The following CDC25A variants were observed in gnomAD, a reference collection of about 807,000 sequenced individuals.
CDC25A encodes the protein cell division cycle 25A, also known as M-phase inducer phosphatase 1.
CDC25A carries 17 observed loss-of-function variants against 64.6 expected under a neutral mutation model. That is an observed-to-expected ratio of 0.26 (90% CI 0.18 to 0.39). The LOEUF (loss-of-function observed/expected upper bound fraction) is 0.39, where lower values mean the gene tolerates loss of function less well. Ranked by LOEUF, CDC25A falls within the 10% of genes least tolerant of loss-of-function variation. The pLI, the probability that CDC25A is intolerant of heterozygous loss-of-function variation, is 1.00. For missense variants in CDC25A, 473 were observed against 654.8 expected, an observed-to-expected ratio of 0.72 and a Z score of 3.03; for synonymous variants, 229 against 238.6, an observed-to-expected ratio of 0.96 and a Z score of 0.37.
chr3:48,187,799 T>A lies in CDC25A; in HGVS notation c.149A>T (p.Asp50Val). 1 of 1,548,118 alleles carries A rather than the reference T, an allele frequency of 6.5e-7. No individual in the cohort carries two copies. Among genetic ancestry groups the A allele is most frequent in the Non-Finnish European group, 8.7e-7 (1 of 1,145,356 alleles). ...TTACCTGCCCAGACCCTGCAGCTGG[T>A]CCATAGTGACGGTCAGGTTGGTGAC... is the stretch of plus-strand genomic sequence containing the variant. ...SPVTNLTVTM[D>V]QLQGLGSDYE... is the part of the protein sequence containing the mutation. The change falls in exon 1 of 15, where the codon GAC (aspartate) becomes GTC (valine). Residue 50 changes from aspartate (D) to valine (V), a missense_variant. Asp to Val is a radical substitution (Grantham distance 152, BLOSUM62 -3). This residue lies in a region of CDC25A where 376 missense variants were observed against 431.9 expected (regional missense o/e 0.87). Transcript: ENST00000302506.
intron 2 of CDC25A, 113 bp from the exon 3 acceptor site, chr3:48,184,808 A>T (rs2032791888): frequency 1.4e-6 from 1 of 707,786 alleles, no homozygotes; most frequent in Non-Finnish European, 2.4e-6. Context: ...GGCAACAAAT[A>T]TTCATGGCTT....
At chr3:48,180,268 T>C (rs2032614973) in intron 6 of CDC25A, 1 of 152,942 alleles carries the variant, frequency 6.5e-6, no homozygotes. Flanking sequence ...GTGCTCTCTC[T>C]CCAGTTCCTT....
chr3:48,158,747 G>A lies in CDC25A; in HGVS notation c.*198C>T. 1.6e-6 allele frequency: 1 copy of A among 617,418 alleles called. No homozygotes were observed. Among genetic ancestry groups the A allele is most frequent in the Non-Finnish European group, 2.9e-6 (1 of 350,720 alleles). The allele number at this position is 617,418 out of a possible 1,614,324, so 38.2% of individuals were successfully genotyped here. On this transcript the variant is annotated 3_prime_UTR_variant, in exon 15 of 15. Coordinates refer to ENST00000302506, the MANE Select transcript of CDC25A (RefSeq NM_001789.3). ...TGATATGGACGGAGGACGTCTAACA[G>A]GGACAGAAGAGGCGTAGCCAGCAAG...
At chr3:48,184,394 G>A (rs562616462) in intron 3 of CDC25A, among the ~76,000 whole-genome samples, 2 of 152,152 alleles carry the variant, frequency 1.3e-5, no homozygotes, top group East Asian at 3.9e-4. Flanking sequence ...ACATGTTCTT[G>A]TAAGGCTATG....
intron 14 of CDC25A, 68 bp from the exon 15 acceptor site, chr3:48,159,153 G>A: frequency 6.4e-7 from 1 of 1,570,376 alleles, no homozygotes; most frequent in Non-Finnish European, 8.7e-7. Flanking sequence ...TTTCCTCTCT[G>A]CCTAGGGCTA....
chr3:48,173,399 A>C (rs1026636073), intron 9 of CDC25A, among the ~76,000 whole-genome samples: 2 of 152,196 alleles, frequency 1.3e-5, no homozygotes, highest in African/African-American at 4.8e-5. Context: ...AGAAATAAGA[A>C]AATTAAAAAC....
At chr3:48,169,404 T>C (rs1044610188) in intron 9 of CDC25A, among the ~76,000 whole-genome samples, 1 of 152,260 alleles carries the variant, frequency 6.6e-6, no homozygotes, top group Non-Finnish European at 1.5e-5. Flanking sequence ...GCCAAACAAA[T>C]AGAACTGGAA....
At position 48,158,274 on chromosome 3, in the gene CDC25A, C is replaced by T. The variant is rs1039011918; in HGVS notation, c.*671G>A. Reference sequence around the variant, plus strand: ...AGTTCTTGGCTTAAATAGCAGCAGCCCCAGTACCACAGCGCCTCCTGGGGG... The same window carrying T: ...AGTTCTTGGCTTAAATAGCAGCAGCTCCAGTACCACAGCGCCTCCTGGGGG... On this transcript the variant is annotated 3_prime_UTR_variant, in exon 15 of 15. Transcript: ENST00000302506. The T allele has an allele frequency of 1.2e-4, 19 of 152,590 alleles. No individual in the cohort carries two copies. Among genetic ancestry groups the T allele is most frequent in the African/African-American group, 4.6e-4 (19 of 41,434 alleles). 9.5% of individuals were successfully genotyped at this position (152,590 alleles called of 1,614,324 possible). A position where few individuals can be genotyped will look rare whatever the true frequency, so the allele number is the denominator to read the frequency against.
intron 3 of CDC25A, among the ~76,000 whole-genome samples, chr3:48,184,217 C>A (rs115790430): frequency 1.3e-5 from 2 of 151,918 alleles, no homozygotes; most frequent in African/African-American, 2.4e-5. Flanking sequence ...CAAAAATTAA[C>A]CGGGTGTGGT....
At chr3:48,162,663 T>C (rs1226674708) in intron 13 of CDC25A, among the ~76,000 whole-genome samples, 3 of 151,288 alleles carry the variant, frequency 2.0e-5, no homozygotes, top group Non-Finnish European at 4.4e-5. Context: ...CTGGCTAAAA[T>C]GGTGAAACCC....
Position 48,188,057 on chromosome 3 carries a change from C to T in CDC25A, c.-110G>A, listed in dbSNP as rs2032915445. 1 of 842,418 alleles carries T rather than the reference C, an allele frequency of 1.2e-6. No individual in the cohort carries two copies. The highest frequency in any genetic ancestry group is 4.2e-5 in the South Asian group (1 of 23,876). The allele number at this position is 842,418 out of a possible 1,614,324, so 52.2% of individuals were successfully genotyped here. On this transcript the variant is annotated 5_prime_UTR_variant, in exon 1 of 15. Coordinates refer to ENST00000302506, the MANE Select transcript of CDC25A (RefSeq NM_001789.3). ...CCGCGCGCCACCGGCGCCCGCGGGT[C>T]AAACACAAACACGACTCCGCGGTTC...
chr3:48,184,731 C>T (rs1559965144), intron 2 of CDC25A, 36 bp from the exon 3 acceptor site: 2 of 1,442,732 alleles, frequency 1.4e-6, no homozygotes, highest in African/African-American at 2.9e-5. Context: ...AGAAATAATA[C>T]AAAAAACACC....
At position 48,188,054 on chromosome 3, in the gene CDC25A, G is replaced by A; in HGVS notation, c.-107C>T. 2 of 978,482 alleles carry A rather than the reference G, an allele frequency of 2.0e-6. No individual in the cohort carries two copies. Among genetic ancestry groups the A allele is most frequent in the Non-Finnish European group, 2.7e-6 (2 of 753,240 alleles). The allele number at this position is 978,482 out of a possible 1,614,324, so 60.6% of individuals were successfully genotyped here. A position where few individuals can be genotyped will look rare whatever the true frequency, so the allele number is the denominator to read the frequency against. ...CGGCCGCGCGCCACCGGCGCCCGCGGGTCAAACACAAACACGACTCCGCGG... is the reference window on the plus strand; with the variant it reads ...CGGCCGCGCGCCACCGGCGCCCGCGAGTCAAACACAAACACGACTCCGCGG... On this transcript the variant is annotated 5_prime_UTR_variant, in exon 1 of 15. Transcript: ENST00000302506.
chr3:48,178,926 T>A (rs2032564716), intron 6 of CDC25A, among the ~76,000 whole-genome samples: 1 of 152,226 alleles, frequency 6.6e-6, no homozygotes, highest in Non-Finnish European at 1.5e-5. Context: ...AGTTTAGAGT[T>A]ATTTTTTTCA....
intron 5 of CDC25A, among the ~76,000 whole-genome samples, chr3:48,181,326 T>G (rs776952025): frequency 6.6e-6 from 1 of 151,576 alleles, no homozygotes; most frequent in Non-Finnish European, 1.5e-5. Flanking sequence ...ACGTGGACGA[T>G]TCTTACAAGC....
chr3:48,180,688 C>T (rs756815985), intron 6 of CDC25A, 33 bp downstream of exon 6: 2 of 1,609,076 alleles, frequency 1.2e-6, no homozygotes, highest in East Asian at 4.5e-5. Flanking sequence ...TTCTTCCTGT[C>T]AGGAATTCCC....
intron 3 of CDC25A, 109 bp downstream of exon 3, chr3:48,184,544 G>A (rs1339882685): frequency 1.4e-6 from 1 of 737,522 alleles, no homozygotes; most frequent in South Asian, 1.7e-5. Flanking sequence ...CTAGGCACAG[G>A]TAAATCCAGG....
chr3:48,164,952 A>G (rs903070857), intron 12 of CDC25A, among the ~76,000 whole-genome samples: 3 of 151,372 alleles, frequency 2.0e-5, no homozygotes, highest in Non-Finnish European at 2.9e-5. Flanking sequence ...TACTAAAAAA[A>G]AAAAAAAATT....
intron 14 of CDC25A, 29 bp from the exon 15 acceptor site, chr3:48,159,114 G>A (rs2031643347): frequency 6.2e-7 from 1 of 1,609,934 alleles, no homozygotes; most frequent in African/African-American, 1.3e-5. Flanking sequence ...ATAAGGTTAG[G>A]GTACACCTGC....
Sources: gnomAD v4.1 joint callset for allele counts (sites outside exome capture counted in the v4.1 genomes callset) on GRCh38, gnomAD v4.1.1 for gene constraint, gnomAD v4.1.1 regional missense constraint, MANE v1.5 for transcripts, NCBI Gene and HGNC (gene_info 2026-07-23, HGNC 2026-07-21) for gene names.